The following CIROZ variants were observed in gnomAD, a reference collection of about 807,000 sequenced individuals.
The protein encoded by CIROZ is ciliated left-right organizer protein containing ZP-N domains.
chr1:10,955,061 T>C, the CIROZ span: 7 of 1,613,974 alleles, frequency 4.3e-6, no homozygotes, highest in East Asian at 6.7e-5. Flanking sequence ...ACCATAAAGA[T>C]GTTGGACTGG....
chr1:10,966,886 C>T, the CIROZ span, among the ~76,000 whole-genome samples: 1 of 152,080 alleles, frequency 6.6e-6, no homozygotes, highest in African/African-American at 2.4e-5. Context: ...CGGTGGCTCA[C>T]ACCTGTAATC....
the CIROZ span, among the ~76,000 whole-genome samples, chr1:10,979,983 G>A: frequency 1.3e-5 from 2 of 151,540 alleles, no homozygotes; most frequent in African/African-American, 2.4e-5. Context: ...GGAGGTGGAG[G>A]TTGTGGTGAG....
chr1:10,969,117 G>A, the CIROZ span, among the ~76,000 whole-genome samples: 10 of 152,270 alleles, frequency 6.6e-5, no homozygotes, highest in African/African-American at 2.4e-4. Context: ...AGGTGCTTTA[G>A]GAATTTCCAG....
chr1:10,968,023 TG>T, the CIROZ span, among the ~76,000 whole-genome samples: 43 of 149,254 alleles, frequency 2.9e-4, 1 homozygote, highest in South Asian at 5.1e-3. Flanking sequence ...TTCGGCGCGG[TG>T]GGGGGGCACC....
At chr1:10,962,519 T>C in the CIROZ span, among the ~76,000 whole-genome samples, 2 of 152,158 alleles carry the variant, frequency 1.3e-5, no homozygotes, top group Admixed American at 6.5e-5. Flanking sequence ...TTCCAGTTTA[T>C]CTTGAAATGT....
the CIROZ span, chr1:10,955,317 G>C: frequency 6.6e-6 from 5 of 756,826 alleles, no homozygotes; most frequent in Non-Finnish European, 1.0e-5. Context: ...GTCAGTGACA[G>C]CAAGTTACTT....
the CIROZ span, chr1:10,948,868 G>A: frequency 2.7e-6 from 4 of 1,473,678 alleles, no homozygotes; most frequent in Non-Finnish European, 3.6e-6. Context: ...GAAGTGGAGA[G>A]AGAAAAAGCA....
At chr1:10,971,425 C>T in the CIROZ span, among the ~76,000 whole-genome samples, 1 of 152,022 alleles carries the variant, frequency 6.6e-6, no homozygotes, top group African/African-American at 2.4e-5. Flanking sequence ...GGAATAAAAT[C>T]CAAACACTTC....
At chr1:10,961,474 C>T in the CIROZ span, among the ~76,000 whole-genome samples, 2 of 152,162 alleles carry the variant, frequency 1.3e-5, no homozygotes, top group African/African-American at 4.8e-5. Flanking sequence ...CGGAGATGAG[C>T]CCAGGTCTTC....
At chr1:10,958,484 C>T in the CIROZ span, among the ~76,000 whole-genome samples, 4 of 152,232 alleles carry the variant, frequency 2.6e-5, no homozygotes, top group South Asian at 8.3e-4. Context: ...AAGCTGGGGT[C>T]CCCTCTTCAA....
At chr1:10,978,269 A>G in the CIROZ span, among the ~76,000 whole-genome samples, 3 of 150,530 alleles carry the variant, frequency 2.0e-5, no homozygotes, top group African/African-American at 7.3e-5. Context: ...GGCTGGTCTC[A>G]AACTCCTAAG....
chr1:10,950,788 T>G, the CIROZ span, among the ~76,000 whole-genome samples: 1 of 152,332 alleles, frequency 6.6e-6, no homozygotes, highest in East Asian at 1.9e-4. Flanking sequence ...CTTGGACATG[T>G]TTGACTCGGC....
chr1:10,950,467 T>G, the CIROZ span, among the ~76,000 whole-genome samples: 1 of 152,208 alleles, frequency 6.6e-6, no homozygotes, highest in African/African-American at 2.4e-5. Flanking sequence ...TCAAATACCT[T>G]GGCTCAGCCT....
the CIROZ span, chr1:10,953,890 G>A: frequency 7.6e-7 from 1 of 1,324,384 alleles, no homozygotes. Flanking sequence ...TTACCTTGTA[G>A]GTGTGGGATC....
chr1:10,956,084 G>A, the CIROZ span, among the ~76,000 whole-genome samples: 52 of 152,192 alleles, frequency 3.4e-4, 1 homozygote, highest in South Asian at 5.6e-3. Context: ...CCCTGATCCC[G>A]AAACTCAGTC....
At chr1:10,964,156 C>G in the CIROZ span, 3 of 1,614,100 alleles carry the variant, frequency 1.9e-6, no homozygotes, top group Non-Finnish European at 2.5e-6. Context: ...ACAGTGGACG[C>G]TTTCCTGGCC....
chr1:10,976,836 T>A, the CIROZ span, among the ~76,000 whole-genome samples: 41 of 151,992 alleles, frequency 2.7e-4, no homozygotes, highest in African/African-American at 9.7e-4. Context: ...GAGGTCAGTG[T>A]GAAAAGATCA....
the CIROZ span, chr1:10,948,721 T>A: frequency 8.9e-3 from 13,862 of 1,561,518 alleles, 608 homozygotes; most frequent in African/African-American, 0.12. Context: ...TGTCCAGGGA[T>A]CCCTGCTTCC....
chr1:10,951,745 A>AT, the CIROZ span, among the ~76,000 whole-genome samples: 3,550 of 119,042 alleles, frequency 0.03, 61 homozygotes, highest in Middle Eastern at 0.055. Context: ...AAAAAAAAAA[A>AT]ATATATATAT....
Sources: gnomAD v4.1 joint callset for allele counts (sites outside exome capture counted in the v4.1 genomes callset) on GRCh38, gnomAD v4.1.1 for gene constraint, MANE v1.5 for transcripts, NCBI Gene and HGNC (gene_info 2026-07-23, HGNC 2026-07-21) for gene names.